SV2B: variants seen among roughly 807,000 people sequenced by gnomAD.
The protein encoded by SV2B is synaptic vesicle glycoprotein 2B.
In SV2B, 41 loss-of-function variants were observed where a neutral mutation model predicts 73.9. The ratio of observed to expected loss-of-function variants is 0.56; its 90% confidence interval spans 0.43 to 0.72. The LOEUF is 0.72. Ranked by LOEUF, SV2B falls within the 30% of genes least tolerant of loss-of-function variation. The pLI, the probability that SV2B is intolerant of heterozygous loss-of-function variation, is 0.00. For synonymous variants in SV2B, 314 were observed against 314.2 expected (o/e 1.00, Z 0.01); for missense variants, 764 against 857.8 (o/e 0.89, Z 1.37).
At chr15:91,119,400 C>G (rs775520104) in intron 1 of SV2B, among the ~76,000 whole-genome samples, 1 of 152,198 alleles carries the variant, frequency 6.6e-6, no homozygotes, top group Non-Finnish European at 1.5e-5. Context: ...CTGAATTTAG[C>G]AAGTGACAAA....
chr15:91,214,733 T>C lies in SV2B; in HGVS notation c.-391-11140T>C, dbSNP rs905161995. ...CCCATAATTGGTCTTTGTTAGGGCT[T>C]CCTTCCCCATTCCACTGGCTCACTT... On this transcript the variant is annotated intron_variant, in intron 1 of 12. Coordinates refer to ENST00000394232, the MANE Select transcript of SV2B (RefSeq NM_001323032.3). This position sits in a 1 kb window ranked among gnomAD's most constrained non-coding sequence, Gnocchi z 4.7. Among the ~76,000 whole-genome samples, 3 of 152,348 alleles carry C rather than the reference T, an allele frequency of 2.0e-5. No homozygotes were observed. Among genetic ancestry groups the C allele is most frequent in the African/African-American group, 7.2e-5 (3 of 41,582 alleles).
chr15:91,156,744 C>T (rs376350222), intron 1 of SV2B, among the ~76,000 whole-genome samples: 1 of 152,160 alleles, frequency 6.6e-6, no homozygotes, highest in African/African-American at 2.4e-5. Flanking sequence ...AACCAAAATC[C>T]CCAGAGTAAC....
At chr15:91,205,369 TC>T (rs2045596533) in intron 1 of SV2B, among the ~76,000 whole-genome samples, 1 of 151,712 alleles carries the variant, frequency 6.6e-6, no homozygotes, top group Non-Finnish European at 1.5e-5. Flanking sequence ...GGATAACATT[TC>T]TTTTTTTTTT....
intron 1 of SV2B, among the ~76,000 whole-genome samples, chr15:91,206,783 T>C (rs1292405112): frequency 6.6e-6 from 1 of 152,138 alleles, no homozygotes; most frequent in Non-Finnish European, 1.5e-5. Flanking sequence ...TTATATTATA[T>C]GACATAAAAG....
intron 1 of SV2B, among the ~76,000 whole-genome samples, chr15:91,166,153 G>A (rs557791638): frequency 8.5e-5 from 13 of 152,240 alleles, no homozygotes; most frequent in South Asian, 2.1e-4. Flanking sequence ...GATATTCTTT[G>A]TTGTGAGGCT....
intron 1 of SV2B, among the ~76,000 whole-genome samples, chr15:91,207,221 C>T (rs1460359086): frequency 6.7e-6 from 1 of 148,730 alleles, no homozygotes; most frequent in Non-Finnish European, 1.5e-5. Flanking sequence ...CGGGGTCTCA[C>T]CATGTTGCTC....
At chr15:91,116,589 G>C (rs1229206668) in intron 1 of SV2B, among the ~76,000 whole-genome samples, 1 of 152,172 alleles carries the variant, frequency 6.6e-6, no homozygotes, top group East Asian at 1.9e-4. Flanking sequence ...GTTCAGAGAA[G>C]GGTCATGCAT....
At chr15:91,274,528 A>G (rs560440384) in intron 9 of SV2B, among the ~76,000 whole-genome samples, 1 of 152,304 alleles carries the variant, frequency 6.6e-6, no homozygotes, top group African/African-American at 2.4e-5. Flanking sequence ...CTTGTTTTGA[A>G]AAATTATATT....
intron 1 of SV2B, among the ~76,000 whole-genome samples, chr15:91,215,640 CT>C (rs1294312504): frequency 2.0e-5 from 3 of 152,076 alleles, no homozygotes; most frequent in Non-Finnish European, 4.4e-5. Flanking sequence ...CATGATCTAC[CT>C]AGCATTTTTA....
rs2047922900 is a variant in SV2B at position 91,261,934 on chromosome 15, C to G, written c.1008+1525C>G. Among the ~76,000 whole-genome samples the G allele has an allele frequency of 1.3e-5, 2 of 152,234 alleles. No homozygotes were observed. Among genetic ancestry groups the G allele is most frequent in the Admixed American group, 6.5e-5 (1 of 15,294 alleles). On this transcript the variant is annotated intron_variant, in intron 6 of 12. Coordinates refer to ENST00000394232, the MANE Select transcript of SV2B (RefSeq NM_001323032.3). This position sits in a 1 kb window ranked among gnomAD's most constrained non-coding sequence, Gnocchi z 4.7. The stretch of plus-strand genomic sequence containing the variant: ...CCCGTTTTTATAACTTCCCCTACTT[C>G]AAATCCATTTTCTCAAGGAAACCTT...
At chr15:91,176,466 A>G (rs1157645736) in intron 1 of SV2B, among the ~76,000 whole-genome samples, 3 of 152,080 alleles carry the variant, frequency 2.0e-5, no homozygotes, top group Non-Finnish European at 4.4e-5. Flanking sequence ...GAATCGCCAC[A>G]CTGACTTCCA....
chr15:91,213,926 T>G (rs574338054), intron 1 of SV2B, among the ~76,000 whole-genome samples: 1 of 152,342 alleles, frequency 6.6e-6, no homozygotes, highest in South Asian at 2.1e-4. Flanking sequence ...GGCTTTTTCC[T>G]TGACAATCAA....
intron 12 of SV2B, among the ~76,000 whole-genome samples, chr15:91,291,899 A>T (rs1167664730): frequency 1.3e-5 from 2 of 152,220 alleles, no homozygotes; most frequent in Non-Finnish European, 1.5e-5. Flanking sequence ...CATGCTCAGC[A>T]GCAAATCAGT....
At chr15:91,255,005 T>G (rs1335461330) in intron 4 of SV2B, among the ~76,000 whole-genome samples, 1 of 152,276 alleles carries the variant, frequency 6.6e-6, no homozygotes, top group East Asian at 1.9e-4. Context: ...CGGAAGGGTT[T>G]AGATCCACTT....
rs1195181543 is a variant in SV2B, at chr15:91,110,810, A to G, written c.-392+10447A>G. Among the ~76,000 whole-genome samples the G allele has an allele frequency of 2.0e-5, 3 of 152,216 alleles. No homozygotes were observed. The highest frequency in any genetic ancestry group is 4.4e-5 in the Non-Finnish European group (3 of 68,048). ...GAACACATCCCACACATGCCAGTGT[A>G]AGGGTCTGTGAATTAAATGCAGCCA... On this transcript the variant is annotated intron_variant, in intron 1 of 12. Transcript: ENST00000394232. The surrounding 1 kb of genome is among the most constrained non-coding windows in gnomAD (Gnocchi z 5.4).
rs999792123 is a variant in SV2B, at chr15:91,252,020, A to G, written c.632+21A>G. Reference sequence around the variant, plus strand: ...ATCGGGTATGTTCTTAGGGAGGTGGAGCTGGACCATCCCAGACCAATGGCC... The same window carrying G: ...ATCGGGTATGTTCTTAGGGAGGTGGGGCTGGACCATCCCAGACCAATGGCC... On this transcript the variant is annotated intron_variant, in intron 3 of 12. Coordinates refer to ENST00000394232, the MANE Select transcript of SV2B (RefSeq NM_001323032.3). This position sits in a 1 kb window ranked among gnomAD's most constrained non-coding sequence, Gnocchi z 4.6. 6.2e-7 allele frequency: 1 copy of G among 1,612,378 alleles called. No homozygotes were observed. The highest frequency in any genetic ancestry group is 8.5e-7 in the Non-Finnish European group (1 of 1,179,070).
intron 2 of SV2B, among the ~76,000 whole-genome samples, chr15:91,243,301 C>T (rs1044625523): frequency 2.0e-5 from 3 of 152,144 alleles, no homozygotes; most frequent in African/African-American, 7.2e-5. Flanking sequence ...CCCGTCTCAC[C>T]TGGAGTCATT....
intron 1 of SV2B, among the ~76,000 whole-genome samples, chr15:91,215,848 T>G (rs1037989801): frequency 1.3e-5 from 2 of 152,192 alleles, no homozygotes; most frequent in Non-Finnish European, 2.9e-5. Flanking sequence ...CTCCATAAAT[T>G]ATTGTTCTGC....
Position 91,110,094 on chromosome 15 carries a change from A to G in SV2B, c.-392+9731A>G, listed in dbSNP as rs1366036103. 6.6e-6 allele frequency among the ~76,000 whole-genome samples: 1 copy of G among 152,168 alleles called. No individual in the cohort carries two copies. The highest frequency in any genetic ancestry group is 1.5e-5 in the Non-Finnish European group (1 of 68,024). On this transcript the variant is annotated intron_variant, in intron 1 of 12. Coordinates refer to ENST00000394232, the MANE Select transcript of SV2B (RefSeq NM_001323032.3). This position sits in a 1 kb window ranked among gnomAD's most constrained non-coding sequence, Gnocchi z 5.4. ...CTCACATTACAAATCACGCTCACTCAGGAGTAATGATGGACAGCTCATTTA... is the reference window on the plus strand; with the variant it reads ...CTCACATTACAAATCACGCTCACTCGGGAGTAATGATGGACAGCTCATTTA...
Sources: gnomAD v4.1 joint callset for allele counts (sites outside exome capture counted in the v4.1 genomes callset) on GRCh38, gnomAD v4.1.1 for gene constraint, Gnocchi (gnomAD v3.1) non-coding constraint, MANE v1.5 for transcripts, NCBI Gene and HGNC (gene_info 2026-07-23, HGNC 2026-07-21) for gene names.